Variants in GCKR observed in about 807,000 individuals in gnomAD.
GCKR encodes glucokinase regulator, also known as glucokinase regulatory protein.
A neutral mutation model predicts 82.9 loss-of-function variants in GCKR; 73 were observed. The ratio of observed to expected loss-of-function variants is 0.88; its 90% confidence interval spans 0.73 to 1.07. The LOEUF (loss-of-function observed/expected upper bound fraction) is 1.07. Ranked by LOEUF, GCKR falls within the 50% of genes least tolerant of loss-of-function variation. The pLI is 0.00. For missense variants in GCKR, 784 were observed against 782.1 expected (o/e 1.00, Z -0.03); for synonymous variants, 294 against 291.8 (o/e 1.01, Z -0.08).
At chr2:27,500,985 C>G (rs1477411616) in intron 7 of GCKR, 150 bp from the exon 8 acceptor site, 2 of 771,560 alleles carry the variant, frequency 2.6e-6, no homozygotes, top group Non-Finnish European at 4.8e-6. Flanking sequence ...AAACGTGCTC[C>G]CCCTTCAAAT....
At chr2:27,513,468 C>T (rs530392705) in intron 16 of GCKR, among the ~76,000 whole-genome samples, 1 of 149,202 alleles carries the variant, frequency 6.7e-6, no homozygotes, top group East Asian at 2.0e-4. Flanking sequence ...GTAGAGGTTG[C>T]AGTGAGCTGA....
chr2:27,514,253 G>GTA lies in GCKR; in HGVS notation c.1423-4522_1423-4521dup, dbSNP rs138762435. On this transcript the variant is annotated intron_variant, in intron 16 of 18. Coordinates refer to ENST00000264717, the MANE Select transcript of GCKR (RefSeq NM_001486.4). ...TTTACATACAGATGAATGTGTCTGC[G>GTA]TATATATATATATACACACACATAC... Among the ~76,000 whole-genome samples the GTA allele has an allele frequency of 5.0e-3, 747 of 150,202 alleles. 1 individual carries two copies. The highest frequency in any genetic ancestry group is 0.015 in the African/African-American group (633 of 40,946).
In GCKR at chr2:27,507,248, C is replaced by T. The variant is rs1669771344; in HGVS notation, c.1080C>T (p.Val360=). ...IHTFGADFRD[V]RGFLIGDHSD... is the part of the protein sequence containing the mutation. ...TAAACTTCCCAGATTTCCGAGATGT[C>T]CGTGGCTTTCTCATTGGTGATCACA... Residue 360 remains valine (V), a synonymous_variant, in exon 13 of 19, where the codon GTC becomes GTT. Transcript: ENST00000264717. 1 of 1,610,336 alleles carries T rather than the reference C, an allele frequency of 6.2e-7. No individual in the cohort carries two copies. Among genetic ancestry groups the T allele is most frequent in the Admixed American group, 1.7e-5 (1 of 60,000 alleles).
At chr2:27,502,143 A>G (rs1484724826) in intron 8 of GCKR, among the ~76,000 whole-genome samples, 3 of 152,180 alleles carry the variant, frequency 2.0e-5, no homozygotes, top group African/African-American at 7.2e-5. Context: ...GAAGGGGGAC[A>G]AGTGGGTTTT....
chr2:27,507,127 C>A, intron 12 of GCKR, 108 bp from the exon 13 acceptor site: 2 of 847,692 alleles, frequency 2.4e-6, no homozygotes, highest in Admixed American at 3.4e-5. Context: ...TCACTCTACG[C>A]CCCACTTGCC....
intron 16 of GCKR, among the ~76,000 whole-genome samples, chr2:27,516,137 A>G (rs1669999051): frequency 6.6e-6 from 1 of 151,726 alleles, no homozygotes; most frequent in Non-Finnish European, 1.5e-5. Flanking sequence ...TCTGTGTCAC[A>G]TACTCAATTT....
intron 12 of GCKR, 59 bp downstream of exon 12, chr2:27,506,944 C>A: frequency 8.9e-7 from 1 of 1,127,422 alleles, no homozygotes; most frequent in Non-Finnish European, 1.4e-6. Flanking sequence ...ATTCGGGCTG[C>A]TCTCCAAACA....
In GCKR at chr2:27,512,288, A is replaced by C. The variant is rs961049604; in HGVS notation, c.1422+4037A>C. On this transcript the variant is annotated intron_variant, in intron 16 of 18. Transcript: ENST00000264717. Reference sequence around the variant, plus strand: ...CGTGGTGGCTCACGCCTACAATCCCAGTACTTTGGGAGGCTGAGGTGGGTG... The same window carrying C: ...CGTGGTGGCTCACGCCTACAATCCCCGTACTTTGGGAGGCTGAGGTGGGTG... Among the ~76,000 whole-genome samples, 6 of 147,522 alleles carry C rather than the reference A, an allele frequency of 4.1e-5. 1 individual carries two copies. The Admixed American group carries it at 4.2e-4, about 10-fold the overall frequency.
At chr2:27,519,452 C>G (rs1670094043) in intron 17 of GCKR, among the ~76,000 whole-genome samples, 1 of 152,070 alleles carries the variant, frequency 6.6e-6, no homozygotes, top group African/African-American at 2.4e-5. Context: ...CAGGCACCCC[C>G]CACCATGCCC....
intron 9 of GCKR, among the ~76,000 whole-genome samples, chr2:27,505,177 ACGAGGTCAGGAGAT>A (rs1246269682): frequency 7.0e-6 from 1 of 143,602 alleles, no homozygotes; most frequent in Non-Finnish European, 1.5e-5. Context: ...TGGGCGAATC[ACGAGGTCAGGAGAT>A]CGAGACCATC....
chr2:27,506,332 G>A (rs751752225), intron 10 of GCKR, 149 bp from the exon 11 acceptor site: 23 of 712,074 alleles, frequency 3.2e-5, no homozygotes, highest in South Asian at 4.5e-5. Flanking sequence ...CCTTCGGAAC[G>A]CAGTCTGGGC....
chr2:27,522,405 A>G, intron 17 of GCKR, 55 bp from the exon 18 acceptor site: 1 of 1,598,332 alleles, frequency 6.3e-7, no homozygotes, highest in Non-Finnish European at 8.6e-7. Context: ...CCTTGACTCC[A>G]TTCTTAGTTC....
intron 3 of GCKR, 105 bp from the exon 4 acceptor site, chr2:27,498,150 G>C: frequency 2.3e-6 from 2 of 867,850 alleles, no homozygotes; most frequent in Non-Finnish European, 3.9e-6. Flanking sequence ...TGAGAGGAGG[G>C]ATAAGGAGTC....
Position 27,506,581 on chromosome 2 carries a change from T to TG in GCKR, c.968+3dup, listed in dbSNP as rs759724213. 1 of 1,586,228 alleles carries TG rather than the reference T, an allele frequency of 6.3e-7. No individual in the cohort carries two copies. The highest frequency in any genetic ancestry group is 1.1e-5 in the South Asian group (1 of 90,516). On this transcript the variant is annotated splice_region_variant and intron_variant, in intron 11 of 18. Coordinates refer to ENST00000264717, the MANE Select transcript of GCKR (RefSeq NM_001486.4). ...CCTGATGAAGAGTGTCAGCACCAGG[T>TG]GTGTGGATATGTGTTTAGAGGTGAG...
At chr2:27,506,379 A>G (rs1271050350) in intron 10 of GCKR, 102 bp from the exon 11 acceptor site, 4 of 800,484 alleles carry the variant, frequency 5.0e-6, no homozygotes, top group South Asian at 4.1e-5. Flanking sequence ...AGCAGAATTT[A>G]GTTCTAAGGG....
At chr2:27,501,669 C>T (rs1257667932) in intron 8 of GCKR, 2 of 466,400 alleles carry the variant, frequency 4.3e-6, no homozygotes, top group South Asian at 1.6e-5. Flanking sequence ...ATTTAGTGCC[C>T]ATTCTCTCTC....
At chr2:27,508,418 C>A (rs1669804156) in intron 16 of GCKR, among the ~76,000 whole-genome samples, 167 bp downstream of exon 16, 1 of 152,184 alleles carries the variant, frequency 6.6e-6, no homozygotes. Flanking sequence ...TCAGAATTCC[C>A]AAGGCAATGA....
chr2:27,510,137 C>T (rs1370836574), intron 16 of GCKR, among the ~76,000 whole-genome samples: 3 of 151,748 alleles, frequency 2.0e-5, no homozygotes, highest in Non-Finnish European at 4.4e-5. Context: ...GCCTCCTGAG[C>T]AGCTGGGACT....
At chr2:27,516,154 G>T (rs994817786) in intron 16 of GCKR, among the ~76,000 whole-genome samples, 1 of 151,588 alleles carries the variant, frequency 6.6e-6, no homozygotes, top group African/African-American at 2.4e-5. Context: ...ATTTCTATGT[G>T]CATTGGTCTA....
Sources: gnomAD v4.1 joint callset for allele counts (sites outside exome capture counted in the v4.1 genomes callset) on GRCh38, gnomAD v4.1.1 for gene constraint, MANE v1.5 for transcripts, NCBI Gene and HGNC (gene_info 2026-07-23, HGNC 2026-07-21) for gene names.